CDH18: variants seen among roughly 807,000 people sequenced by gnomAD.
CDH18 encodes cadherin 18.
Under a neutral mutation model 67.9 loss-of-function variants are expected in CDH18, and 31 were observed. That is an observed-to-expected ratio of 0.46 (90% CI 0.34 to 0.62). CDH18 has a LOEUF of 0.62. Among genes scored for constraint, CDH18 ranks in the 20% least tolerant of loss-of-function variants. CDH18 has a pLI of 0.01. For synonymous variants in CDH18, 362 were observed against 347.2 expected (o/e 1.04, Z -0.48); for missense variants, 890 against 975.5 (o/e 0.91, Z 1.17).
At chr5:20,187,354 C>T (rs1419036491) in intron 2 of CDH18, among the ~76,000 whole-genome samples, 1 of 151,714 alleles carries the variant, frequency 6.6e-6, no homozygotes, top group East Asian at 1.9e-4. Flanking sequence ...AACCTGTGTA[C>T]GTTATCTAAT....
intron 1 of CDH18, among the ~76,000 whole-genome samples, chr5:20,477,467 T>C (rs1409111439): frequency 6.6e-6 from 1 of 152,314 alleles, no homozygotes; most frequent in South Asian, 2.1e-4. Flanking sequence ...AAGCTGTGTG[T>C]TTGTAGGAGA....
At chr5:20,527,613 C>A (rs1329360938) in intron 1 of CDH18, among the ~76,000 whole-genome samples, 1 of 152,064 alleles carries the variant, frequency 6.6e-6, no homozygotes, top group Non-Finnish European at 1.5e-5. Context: ...ATTCAACATT[C>A]TTAAAGAAAA....
At chr5:19,891,968 CT>C (rs1788824355) in intron 2 of CDH18, among the ~76,000 whole-genome samples, 2 of 152,168 alleles carry the variant, frequency 1.3e-5, no homozygotes, top group African/African-American at 2.4e-5. Flanking sequence ...GTCTTGCTGA[CT>C]TTTTATTTGG....
At chr5:19,570,608 A>G (rs74631418) in intron 8 of CDH18, among the ~76,000 whole-genome samples, 2,709 of 152,256 alleles carry the variant, frequency 0.018, 86 homozygotes, top group African/African-American at 0.062. Flanking sequence ...AAAGATTATT[A>G]AGGATTTTAA....
At chr5:20,277,737 C>A (rs995544384) in intron 1 of CDH18, among the ~76,000 whole-genome samples, 6 of 152,018 alleles carry the variant, frequency 3.9e-5, no homozygotes, top group Non-Finnish European at 8.8e-5. Flanking sequence ...TCAAAATAGC[C>A]ATTTTGAGGA....
intron 1 of CDH18, among the ~76,000 whole-genome samples, chr5:20,337,906 G>A (rs1381888499): frequency 6.6e-6 from 1 of 152,184 alleles, no homozygotes; most frequent in Non-Finnish European, 1.5e-5. Context: ...ACGTGGCTGG[G>A]GAAAACTCAC....
At chr5:19,580,281 C>A (rs1013067895) in intron 7 of CDH18, among the ~76,000 whole-genome samples, 2 of 151,832 alleles carry the variant, frequency 1.3e-5, no homozygotes, top group African/African-American at 4.8e-5. Context: ...ATTTCACTGA[C>A]CCCTTCCCAT....
At chr5:19,902,531 C>A (rs1223553411) in intron 2 of CDH18, among the ~76,000 whole-genome samples, 1 of 151,536 alleles carries the variant, frequency 6.6e-6, no homozygotes, top group Non-Finnish European at 1.5e-5. Flanking sequence ...TGTGAGTGTA[C>A]TTGGAAGTGG....
intron 3 of CDH18, among the ~76,000 whole-genome samples, chr5:19,751,349 A>G (rs1253024697): frequency 1.3e-5 from 2 of 152,198 alleles, no homozygotes; most frequent in African/African-American, 4.8e-5. Flanking sequence ...TAGGTCATTG[A>G]CTTAAAACTG....
chr5:19,490,210 T>G (rs1397656748), intron 11 of CDH18, among the ~76,000 whole-genome samples: 1 of 151,886 alleles, frequency 6.6e-6, no homozygotes, highest in Non-Finnish European at 1.5e-5. Context: ...TTTAAAATAG[T>G]TTTTCTTCAC....
At chr5:20,296,307 G>A in intron 1 of CDH18, among the ~76,000 whole-genome samples, 1 of 151,036 alleles carries the variant, frequency 6.6e-6, no homozygotes, top group Non-Finnish European at 1.5e-5. Context: ...AGGCTGGAGT[G>A]CAGTGGCGCC....
At chr5:19,577,077 G>A (rs1561386581) in intron 7 of CDH18, among the ~76,000 whole-genome samples, 1 of 152,138 alleles carries the variant, frequency 6.6e-6, no homozygotes, top group Non-Finnish European at 1.5e-5. Context: ...GTTGTTACCA[G>A]AGGCTGGGAA....
At chr5:19,632,962 G>A (rs761908035) in intron 5 of CDH18, among the ~76,000 whole-genome samples, 86 of 152,218 alleles carry the variant, frequency 5.6e-4, no homozygotes, top group South Asian at 1.2e-3. Flanking sequence ...TCAGACTCTT[G>A]GAGGAGGTCA....
chr5:19,523,334 A>G (rs1747224946), intron 9 of CDH18, among the ~76,000 whole-genome samples: 1 of 152,174 alleles, frequency 6.6e-6, no homozygotes, highest in African/African-American at 2.4e-5. Context: ...GAATTGATAA[A>G]TTTGATTGCA....
intron 2 of CDH18, among the ~76,000 whole-genome samples, chr5:20,251,329 C>A (rs1580587400): frequency 6.6e-6 from 1 of 152,180 alleles, no homozygotes; most frequent in South Asian, 2.1e-4. Context: ...CACCCACCCA[C>A]TGTATTTTTG....
intron 11 of CDH18, among the ~76,000 whole-genome samples, chr5:19,499,244 A>G (rs1413715347): frequency 1.3e-5 from 2 of 152,188 alleles, no homozygotes; most frequent in Non-Finnish European, 2.9e-5. Flanking sequence ...TTTAAGATAT[A>G]AGACATTACA....
At chr5:19,978,189 A>G (rs1439027888) in intron 2 of CDH18, among the ~76,000 whole-genome samples, 1 of 152,082 alleles carries the variant, frequency 6.6e-6, no homozygotes, top group Non-Finnish European at 1.5e-5. Flanking sequence ...AAACTCACAT[A>G]AACACTAATA....
intron 8 of CDH18, among the ~76,000 whole-genome samples, chr5:19,554,989 T>C (rs905034092): frequency 6.6e-6 from 1 of 152,174 alleles, no homozygotes; most frequent in Admixed American, 6.5e-5. Context: ...GGAGGAAATG[T>C]TCAAATAGAT....
At chr5:20,051,558 A>C (rs1741418425) in intron 2 of CDH18, among the ~76,000 whole-genome samples, 1 of 152,038 alleles carries the variant, frequency 6.6e-6, no homozygotes, top group Non-Finnish European at 1.5e-5. Context: ...TAAGTAATAA[A>C]GATAATTCAT....
Sources: allele counts gnomAD v4.1 joint callset (sites outside exome capture counted in the v4.1 genomes callset), GRCh38; gene constraint gnomAD v4.1.1; transcripts MANE v1.5; gene names NCBI Gene and HGNC (gene_info 2026-07-23, HGNC 2026-07-21).